The following FOXO3 variants were observed in gnomAD, a reference collection of about 807,000 sequenced individuals.
The protein encoded by FOXO3 is forkhead box O3, also known as forkhead box protein O3.
Under a neutral mutation model 41.9 loss-of-function variants are expected in FOXO3, and 4 were observed. The ratio of observed to expected loss-of-function variants is 0.10; its 90% CI spans 0.05 to 0.22. The LOEUF (loss-of-function observed/expected upper bound fraction) is 0.22, where lower values mean the gene tolerates loss of function less well. FOXO3 is among the 10% of genes least tolerant of loss of function. FOXO3 has a pLI of 1.00. For synonymous variants in FOXO3, 318 were observed against 389.3 expected (o/e 0.82, Z 2.16); for missense variants, 534 against 906.8 (o/e 0.59, Z 5.28).
At chr6:108,669,654 G>A (rs1056900312) in intron 2 of FOXO3, among the ~76,000 whole-genome samples, 8 of 152,118 alleles carry the variant, frequency 5.3e-5, no homozygotes, top group African/African-American at 1.4e-4. Context: ...TTTTAGTGTC[G>A]ATGAGCGCGA....
chr6:108,595,095 C>A (rs1450229280), intron 1 of FOXO3, among the ~76,000 whole-genome samples: 3 of 152,088 alleles, frequency 2.0e-5, no homozygotes, highest in Admixed American at 6.5e-5. Context: ...TTTTTCCCTC[C>A]CAGGTGTGAC....
chr6:108,592,380 G>A (rs1014532135), intron 1 of FOXO3, among the ~76,000 whole-genome samples: 7 of 152,046 alleles, frequency 4.6e-5, no homozygotes, highest in African/African-American at 1.7e-4. Flanking sequence ...GTCCATTTAC[G>A]CCAGTTTTTA....
chr6:108,593,025 A>G (rs1190597531), intron 1 of FOXO3, among the ~76,000 whole-genome samples: 1 of 152,192 alleles, frequency 6.6e-6, no homozygotes, highest in East Asian at 1.9e-4. Flanking sequence ...GAACATCTAG[A>G]TGTTGGGAAT....
At chr6:108,659,094 A>T (rs1778772146) in intron 1 of FOXO3, among the ~76,000 whole-genome samples, 3 of 152,046 alleles carry the variant, frequency 2.0e-5, no homozygotes, top group Admixed American at 2.0e-4. Flanking sequence ...CATGTTGCCC[A>T]GGCTGGTCTT....
chr6:108,663,525 G>A lies in FOXO3; in HGVS notation c.692G>A (p.Ser231Asn). 1.2e-6 allele frequency: 2 copies of A among 1,613,032 alleles called. No homozygotes were observed. Among genetic ancestry groups the A allele is most frequent in the Non-Finnish European group, 1.7e-6 (2 of 1,179,370 alleles). ...MRVQNEGTGK[S>N]SWWIINPDGG... ...GTCCAGAATGAGGGAACTGGCAAGA[G>A]CTCTTGGTGGATCATCAACCCTGAT... The change falls in exon 2 of 3, where the codon AGC (serine) becomes AAC (asparagine). Residue 231 changes from serine to asparagine, a missense_variant. By Grantham distance (46) the Ser-to-Asn change is conservative. Around this residue, in one of 8 missense-constraint regions of FOXO3, gnomAD observed 77 missense variants for 193.2 expected, o/e 0.40. Coordinates refer to ENST00000406360, the MANE Select transcript of FOXO3 (RefSeq NM_001455.4).
intron 1 of FOXO3, among the ~76,000 whole-genome samples, chr6:108,591,564 C>T (rs976027113): frequency 1.3e-5 from 2 of 152,152 alleles, no homozygotes; most frequent in Non-Finnish European, 2.9e-5. Context: ...GTTCACTTTT[C>T]GGTCAGGCAT....
chr6:108,560,567 G>C (rs1027782320), upstream of FOXO3, among the ~76,000 whole-genome samples: 1 of 152,156 alleles, frequency 6.6e-6, no homozygotes, highest in East Asian at 1.9e-4. Context: ...TCGACCGGGT[G>C]GGGGGTGACG....
chr6:108,674,640 GTAGGTGATTT>G (rs1250349640), intron 2 of FOXO3, among the ~76,000 whole-genome samples: 1 of 152,180 alleles, frequency 6.6e-6, no homozygotes, highest in Admixed American at 6.5e-5. Context: ...ATCTGAACAT[GTAGGTGATTT>G]GCTGGGTGGT....
At chr6:108,659,454 T>C (rs897641132) in intron 1 of FOXO3, among the ~76,000 whole-genome samples, 1 of 152,216 alleles carries the variant, frequency 6.6e-6, no homozygotes, top group Admixed American at 6.5e-5. Context: ...AGTGTCAGTT[T>C]TGGCTCTTGT....
At chr6:108,641,904 A>G (rs137962258) in intron 1 of FOXO3, among the ~76,000 whole-genome samples, 1 of 152,284 alleles carries the variant, frequency 6.6e-6, no homozygotes, top group Non-Finnish European at 1.5e-5. Context: ...TATTCATTGT[A>G]TTAAGACCTG....
At chr6:108,654,158 G>A (rs2128383629) in intron 1 of FOXO3, among the ~76,000 whole-genome samples, 1 of 152,248 alleles carries the variant, frequency 6.6e-6, no homozygotes, top group African/African-American at 2.4e-5. Context: ...GCTGCAGGGA[G>A]TGGGTGTGGG....
upstream of FOXO3, among the ~76,000 whole-genome samples, chr6:108,560,566 TG>T (rs1252500543): frequency 2.0e-5 from 3 of 149,948 alleles, no homozygotes; most frequent in Non-Finnish European, 4.5e-5. Flanking sequence ...TTCGACCGGG[TG>T]GGGGGTGACG....
intron 1 of FOXO3, among the ~76,000 whole-genome samples, chr6:108,583,090 T>C (rs537796242): frequency 6.6e-6 from 1 of 152,346 alleles, no homozygotes; most frequent in Non-Finnish European, 1.5e-5. Context: ...GTGAGGTCAC[T>C]CTTACCTGTG....
intron 1 of FOXO3, among the ~76,000 whole-genome samples, chr6:108,626,841 A>G (rs970664997): frequency 4.3e-4 from 65 of 152,316 alleles, no homozygotes; most frequent in African/African-American, 1.5e-3. Context: ...AAGGTTTAAC[A>G]TTGGAAGTGG....
intron 1 of FOXO3, among the ~76,000 whole-genome samples, chr6:108,642,996 A>G (rs1446139356): frequency 3.3e-5 from 5 of 152,252 alleles, no homozygotes; most frequent in Non-Finnish European, 7.3e-5. Flanking sequence ...GCAAGAATCC[A>G]GAACATAATG....
intron 1 of FOXO3, among the ~76,000 whole-genome samples, chr6:108,626,360 C>T (rs1186883708): frequency 6.6e-6 from 1 of 152,188 alleles, no homozygotes; most frequent in Non-Finnish European, 1.5e-5. Flanking sequence ...ACCTATGACA[C>T]CCTTTCCTAG....
In FOXO3 at chr6:108,683,341, G is replaced by C. The variant is rs1770938755; in HGVS notation, c.*3549G>C. On this transcript the variant is annotated 3_prime_UTR_variant, in exon 3 of 3. Coordinates refer to ENST00000406360, the MANE Select transcript of FOXO3 (RefSeq NM_001455.4). Reference sequence around the variant, plus strand: ...ACTTGTACGCAGTTTAAAGATGGTGGGGACAGACTTTGCCTCTACCTAGTG... The same window carrying C: ...ACTTGTACGCAGTTTAAAGATGGTGCGGACAGACTTTGCCTCTACCTAGTG... 6.6e-6 allele frequency: 1 copy of C among 152,102 alleles called. No individual in the cohort carries two copies. The highest frequency in any genetic ancestry group is 2.1e-4 in the South Asian group (1 of 4,822). 9.4% of individuals were successfully genotyped at this position (152,102 alleles called of 1,614,324 possible). A position where few individuals can be genotyped will look rare whatever the true frequency, so the allele number is the denominator to read the frequency against.
At chr6:108,588,396 G>T (rs1202432754) in intron 1 of FOXO3, among the ~76,000 whole-genome samples, 1 of 152,070 alleles carries the variant, frequency 6.6e-6, no homozygotes, top group East Asian at 1.9e-4. Context: ...AATGGAGGCA[G>T]TTGCACAATT....
At chr6:108,615,344 T>C (rs978791910) in intron 1 of FOXO3, among the ~76,000 whole-genome samples, 2 of 152,168 alleles carry the variant, frequency 1.3e-5, no homozygotes, top group Non-Finnish European at 2.9e-5. Context: ...TATTTTATCT[T>C]CGTTTTTGAA....
Sources: allele counts gnomAD v4.1 joint callset (sites outside exome capture counted in the v4.1 genomes callset), GRCh38; gene constraint gnomAD v4.1.1; regional missense constraint gnomAD v4.1.1; transcripts MANE v1.5; gene names NCBI Gene and HGNC (gene_info 2026-07-23, HGNC 2026-07-21).